Variants in MCOLN2 observed in about 807,000 individuals in gnomAD.
The protein encoded by MCOLN2 is mucolipin TRP cation channel 2.
Under a neutral mutation model 67.5 loss-of-function variants are expected in MCOLN2, and 57 were observed. The ratio of observed to expected loss-of-function variants is 0.84; its 90% CI spans 0.68 to 1.05. The LOEUF (loss-of-function observed/expected upper bound fraction) is 1.05. Among genes scored for constraint, MCOLN2 ranks in the 50% least tolerant of loss-of-function variants. The pLI is 0.00. For missense variants in MCOLN2, 620 were observed against 678.8 expected, an observed-to-expected ratio of 0.91 and a Z score of 0.96; for synonymous variants, 246 against 233.3, an observed-to-expected ratio of 1.05 and a Z score of -0.50.
intron 3 of MCOLN2, among the ~76,000 whole-genome samples, chr1:84,957,732 G>A (rs2102845766): frequency 6.6e-6 from 1 of 152,178 alleles, no homozygotes; most frequent in South Asian, 2.1e-4. Context: ...TTTTTGTGTG[G>A]TATTCTCAGG....
intron 1 of MCOLN2, among the ~76,000 whole-genome samples, chr1:84,991,234 G>C (rs1339840200): frequency 2.0e-5 from 3 of 152,098 alleles, no homozygotes; most frequent in Non-Finnish European, 1.5e-5. Context: ...GTAGAGGGTG[G>C]AAGAAGTGAT....
chr1:84,932,360 T>C (rs1647224142), intron 11 of MCOLN2, among the ~76,000 whole-genome samples: 1 of 152,054 alleles, frequency 6.6e-6, no homozygotes, highest in African/African-American at 2.4e-5. Context: ...TACAGGTGCC[T>C]GCCACCAAGC....
intron 1 of MCOLN2, among the ~76,000 whole-genome samples, chr1:84,978,609 A>C (rs1182784482): frequency 6.6e-6 from 1 of 152,158 alleles, no homozygotes; most frequent in Non-Finnish European, 1.5e-5. Flanking sequence ...AAAATATAGA[A>C]GAAATGGACA....
At chr1:84,935,029 G>C (rs2102805741) in intron 11 of MCOLN2, among the ~76,000 whole-genome samples, 1 of 152,268 alleles carries the variant, frequency 6.6e-6, no homozygotes, top group South Asian at 2.1e-4. Context: ...AGGTTGCTGT[G>C]ATTCTAAAAA....
chr1:84,963,969 A>G (rs1225907341), intron 2 of MCOLN2, among the ~76,000 whole-genome samples: 1 of 152,244 alleles, frequency 6.6e-6, no homozygotes, highest in East Asian at 1.9e-4. Context: ...TTAGCAAGAA[A>G]AGATTTTGGG....
intron 11 of MCOLN2, among the ~76,000 whole-genome samples, chr1:84,935,526 A>G (rs2102806520): frequency 6.6e-6 from 1 of 152,368 alleles, no homozygotes; most frequent in South Asian, 2.1e-4. Context: ...TGCTATGTGG[A>G]TAAAATATCC....
intron 1 of MCOLN2, among the ~76,000 whole-genome samples, chr1:84,975,195 G>A (rs1251535688): frequency 2.6e-5 from 4 of 152,192 alleles, no homozygotes; most frequent in Admixed American, 2.6e-4. Flanking sequence ...AGCAGACACA[G>A]GAAGTAGCCA....
At chr1:84,979,804 A>G (rs538175485) in intron 1 of MCOLN2, among the ~76,000 whole-genome samples, 1 of 152,326 alleles carries the variant, frequency 6.6e-6, no homozygotes, top group South Asian at 2.1e-4. Context: ...TATTCAACAT[A>G]GTACTGGAAG....
chr1:84,938,053 A>G lies in MCOLN2; in HGVS notation c.1140T>C (p.Ile380=). 1 of 1,613,566 alleles carries G rather than the reference A, an allele frequency of 6.2e-7. No individual in the cohort carries two copies. The highest frequency in any genetic ancestry group is 8.5e-7 in the Non-Finnish European group (1 of 1,179,734). ...CCAAGAGCGTAGAGGTTCCAAGAAA[A>G]ATGCTGCAGAGATCATAGTTTGTGA... is the stretch of plus-strand genomic sequence containing the variant. The part of the protein sequence containing the change: ...KNLTNYDLCS[I]FLGTSTLLVW... The change falls in exon 10 of 14, where the codon ATT becomes ATC. Residue 380 remains isoleucine, a synonymous_variant. Coordinates refer to ENST00000370608, the MANE Select transcript of MCOLN2 (RefSeq NM_153259.4).
chr1:84,973,559 C>T (rs1192863756), intron 1 of MCOLN2, among the ~76,000 whole-genome samples: 1 of 152,088 alleles, frequency 6.6e-6, no homozygotes, highest in Admixed American at 6.6e-5. Flanking sequence ...TGTCAAGTTT[C>T]CCAAATTAGG....
intron 9 of MCOLN2, 55 bp downstream of exon 9, chr1:84,939,498 C>T: frequency 6.4e-7 from 1 of 1,567,140 alleles, no homozygotes; most frequent in Non-Finnish European, 8.7e-7. Flanking sequence ...CTTAAGATGC[C>T]TGTGGCCATC....
chr1:84,961,936 G>T (rs1312627923), intron 2 of MCOLN2, among the ~76,000 whole-genome samples: 1 of 152,114 alleles, frequency 6.6e-6, no homozygotes, highest in African/African-American at 2.4e-5. Context: ...CCTCTCTCAA[G>T]ATTATAAATT....
intron 7 of MCOLN2, among the ~76,000 whole-genome samples, chr1:84,942,991 T>C (rs1647879719): frequency 1.3e-5 from 2 of 152,310 alleles, no homozygotes; most frequent in Admixed American, 6.5e-5. Flanking sequence ...CTTTTCTTTA[T>C]AAATTAGCTA....
chr1:84,963,571 TC>T (rs1649205843), intron 2 of MCOLN2, among the ~76,000 whole-genome samples: 1 of 152,196 alleles, frequency 6.6e-6, no homozygotes, highest in Admixed American at 6.5e-5. Context: ...AGGAGGGGCC[TC>T]CTGGTGACAG....
intron 2 of MCOLN2, among the ~76,000 whole-genome samples, chr1:84,964,615 T>C (rs922126287): frequency 2.6e-5 from 4 of 152,102 alleles, no homozygotes; most frequent in Admixed American, 1.3e-4. Context: ...TTATAATATA[T>C]AATGAAACAA....
chr1:84,973,591 T>C (rs904278044), intron 1 of MCOLN2, among the ~76,000 whole-genome samples: 4 of 152,182 alleles, frequency 2.6e-5, no homozygotes, highest in African/African-American at 9.7e-5. Flanking sequence ...GGTACCCCCA[T>C]TGATTTTCAG....
At chr1:84,943,345 A>G (rs932029515) in intron 7 of MCOLN2, among the ~76,000 whole-genome samples, 2 of 152,168 alleles carry the variant, frequency 1.3e-5, no homozygotes, top group African/African-American at 4.8e-5. Context: ...AAGACTATTC[A>G]GTGGCAGTTA....
chr1:84,948,046 C>T (rs1648211403), intron 6 of MCOLN2, among the ~76,000 whole-genome samples: 1 of 152,250 alleles, frequency 6.6e-6, no homozygotes, highest in Admixed American at 6.5e-5. Context: ...TGTCTCTCCA[C>T]ACCCACACAG....
intron 7 of MCOLN2, among the ~76,000 whole-genome samples, chr1:84,942,289 C>T (rs778316141): frequency 6.6e-6 from 1 of 152,170 alleles, no homozygotes; most frequent in Non-Finnish European, 1.5e-5. Flanking sequence ...TCTGCAAAGG[C>T]AGCACAGCAT....
Sources: allele counts gnomAD v4.1 joint callset (sites outside exome capture counted in the v4.1 genomes callset), GRCh38; gene constraint gnomAD v4.1.1; transcripts MANE v1.5; gene names NCBI Gene and HGNC (gene_info 2026-07-23, HGNC 2026-07-21).